The following FSTL5 variants were observed in gnomAD, a reference collection of about 807,000 sequenced individuals.
The protein encoded by FSTL5 is follistatin-related protein 5.
In FSTL5, 62 loss-of-function variants were observed where a neutral mutation model predicts 89.1. The ratio of observed to expected loss-of-function variants is 0.70; its 90% CI spans 0.57 to 0.86. FSTL5 has a LOEUF of 0.86. Ranked by LOEUF, FSTL5 falls within the 40% of genes least tolerant of loss-of-function variation. The pLI is 0.00. For synonymous variants in FSTL5, 383 were observed against 346.2 expected, an observed-to-expected ratio of 1.11 and a Z score of -1.18; for missense variants, 1,057 against 1,001.6, an observed-to-expected ratio of 1.06 and a Z score of -0.75.
chr4:162,001,619 TGTGTGTGTAA>T (rs1227442848), intron 3 of FSTL5, among the ~76,000 whole-genome samples: 3 of 151,968 alleles, frequency 2.0e-5, no homozygotes, highest in African/African-American at 7.3e-5. Context: ...TGTGTGTGTG[TGTGTGTGTAA>T]GTGTAAGAGT....
intron 12 of FSTL5, among the ~76,000 whole-genome samples, chr4:161,495,634 G>C (rs1256314495): frequency 1.3e-5 from 2 of 152,100 alleles, no homozygotes; most frequent in East Asian, 3.9e-4. Context: ...CCAAAATTGA[G>C]TTTTTATTTA....
intron 4 of FSTL5, among the ~76,000 whole-genome samples, chr4:161,786,841 C>T (rs575854443): frequency 6.6e-5 from 10 of 152,090 alleles, no homozygotes; most frequent in South Asian, 2.1e-4. Context: ...AACCTATCTG[C>T]CAATGTCCAT....
chr4:161,738,245 A>C lies in FSTL5; in HGVS notation c.727+21166T>G, dbSNP rs987237081. ...AAAATAAAATGGAGATGGCTCATTAAACAAAGTTCTTGTGCTCAGGAGTAG... is the reference window on the plus strand; with the variant it reads ...AAAATAAAATGGAGATGGCTCATTACACAAAGTTCTTGTGCTCAGGAGTAG... On this transcript the variant is annotated intron_variant, in intron 6 of 15. Coordinates refer to ENST00000306100, the MANE Select transcript of FSTL5 (RefSeq NM_020116.5). 3.3e-5 allele frequency among the ~76,000 whole-genome samples: 5 copies of C among 152,078 alleles called. 1 individual carries two copies.
intron 2 of FSTL5, among the ~76,000 whole-genome samples, chr4:162,051,630 A>G (rs1738381808): frequency 6.6e-6 from 1 of 151,618 alleles, no homozygotes; most frequent in South Asian, 2.1e-4. Context: ...GAAATTATAC[A>G]TATAATTTTA....
At chr4:161,718,372 T>C (rs1739071043) in intron 6 of FSTL5, among the ~76,000 whole-genome samples, 1 of 152,188 alleles carries the variant, frequency 6.6e-6, no homozygotes. Flanking sequence ...ATTCATTAAA[T>C]TGTTTTATAT....
chr4:161,616,520 C>A (rs1734873732), intron 7 of FSTL5, among the ~76,000 whole-genome samples: 3 of 152,306 alleles, frequency 2.0e-5, no homozygotes, highest in Admixed American at 6.5e-5. Flanking sequence ...GGGACTCAGA[C>A]TGGCTTCCTT....
At chr4:162,046,670 T>C (rs1038185178) in intron 2 of FSTL5, among the ~76,000 whole-genome samples, 2 of 152,146 alleles carry the variant, frequency 1.3e-5, no homozygotes, top group Non-Finnish European at 2.9e-5. Flanking sequence ...AGTGTATTTT[T>C]AGAGTGATAA....
At chr4:161,915,552 G>A (rs1298132784) in intron 4 of FSTL5, among the ~76,000 whole-genome samples, 1 of 151,902 alleles carries the variant, frequency 6.6e-6, no homozygotes, top group Non-Finnish European at 1.5e-5. Flanking sequence ...AATATGTAAG[G>A]TTTCACATCA....
chr4:162,120,342 A>T (rs1731802789), intron 1 of FSTL5, among the ~76,000 whole-genome samples: 2 of 152,136 alleles, frequency 1.3e-5, no homozygotes, highest in Admixed American at 1.3e-4. Flanking sequence ...GAACCATGTT[A>T]TGTGGTAAAT....
chr4:161,511,310 C>T (rs191624855), intron 10 of FSTL5, among the ~76,000 whole-genome samples: 3 of 152,260 alleles, frequency 2.0e-5, no homozygotes, highest in African/African-American at 7.2e-5. Flanking sequence ...AAGTCTAGCA[C>T]TCCTCACCTA....
At chr4:161,684,672 G>C (rs1180919670) in intron 6 of FSTL5, among the ~76,000 whole-genome samples, 1 of 152,044 alleles carries the variant, frequency 6.6e-6, no homozygotes, top group African/African-American at 2.4e-5. Context: ...TTAGTCCTTT[G>C]TAGGATGCAC....
At chr4:161,937,077 A>G (rs973819887) in intron 3 of FSTL5, among the ~76,000 whole-genome samples, 21 of 152,274 alleles carry the variant, frequency 1.4e-4, no homozygotes, top group Admixed American at 6.6e-4. Context: ...AACATGAAAG[A>G]TAAGACCAAA....
chr4:161,536,077 G>T, intron 10 of FSTL5, among the ~76,000 whole-genome samples: 1 of 151,914 alleles, frequency 6.6e-6, no homozygotes, highest in East Asian at 1.9e-4. Context: ...TGGACACTGG[G>T]AACTACTAAA....
At position 162,098,865 on chromosome 4, in the gene FSTL5, T is replaced by A. The variant is rs767150827; in HGVS notation, c.126+12406A>T. 3.9e-5 allele frequency among the ~76,000 whole-genome samples: 6 copies of A among 151,994 alleles called. No homozygotes were observed. In the East Asian group the frequency reaches 1.2e-3, roughly 29 times the overall value. On this transcript the variant is annotated intron_variant, in intron 2 of 15. Coordinates refer to ENST00000306100, the MANE Select transcript of FSTL5 (RefSeq NM_020116.5). ...CAAACGCTTCTGGAACAACTGCACA[T>A]CTACATGCAAAAACAGCAACAAAAA...
chr4:161,627,462 T>C (rs1735355499), intron 7 of FSTL5, among the ~76,000 whole-genome samples: 1 of 152,212 alleles, frequency 6.6e-6, no homozygotes, highest in Non-Finnish European at 1.5e-5. Context: ...TTATATGCAC[T>C]GGGAAACCAA....
intron 6 of FSTL5, among the ~76,000 whole-genome samples, chr4:161,712,259 A>T (rs1294340667): frequency 6.6e-6 from 1 of 152,180 alleles, no homozygotes; most frequent in African/African-American, 2.4e-5. Flanking sequence ...GGGTGAATTC[A>T]ATTTTATGTA....
chr4:161,507,492 A>C (rs1045808516), intron 11 of FSTL5, among the ~76,000 whole-genome samples: 1 of 151,792 alleles, frequency 6.6e-6, no homozygotes, highest in East Asian at 1.9e-4. Flanking sequence ...CTAGATTGAA[A>C]GTTTCTTTAG....
At chr4:162,086,223 ACT>A (rs1730310729) in intron 2 of FSTL5, among the ~76,000 whole-genome samples, 1 of 151,842 alleles carries the variant, frequency 6.6e-6, no homozygotes, top group Admixed American at 6.6e-5. Context: ...GAAAAAATAC[ACT>A]CTCTGAATGT....
intron 7 of FSTL5, among the ~76,000 whole-genome samples, chr4:161,607,394 T>C (rs1021155333): frequency 3.3e-5 from 5 of 152,190 alleles, no homozygotes; most frequent in African/African-American, 1.2e-4. Context: ...GCTGTGCTAA[T>C]TGCAACACAT....
Sources: allele counts gnomAD v4.1 joint callset (sites outside exome capture counted in the v4.1 genomes callset), GRCh38; gene constraint gnomAD v4.1.1; transcripts MANE v1.5; gene names NCBI Gene and HGNC (gene_info 2026-07-23, HGNC 2026-07-21).